TAF3: variants seen among roughly 807,000 people sequenced by gnomAD.
TAF3 encodes transcription initiation factor TFIID subunit 3.
In TAF3, 7 loss-of-function variants were observed where a neutral mutation model predicts 80.6. The observed-to-expected ratio is 0.09, with a 90% confidence interval of 0.05 to 0.16. The LOEUF (loss-of-function observed/expected upper bound fraction) is 0.16, where lower values mean the gene tolerates loss of function less well. Among genes scored for constraint, TAF3 ranks in the 10% least tolerant of loss-of-function variants. TAF3 has a pLI of 1.00. For synonymous variants in TAF3, 444 were observed against 446.1 expected, an observed-to-expected ratio of 1.00 and a Z score of 0.06; for missense variants, 921 against 1,140.2, an observed-to-expected ratio of 0.81 and a Z score of 2.77.
intron 4 of TAF3, among the ~76,000 whole-genome samples, chr10:8,001,230 T>C (rs1022228209): frequency 6.6e-6 from 1 of 152,216 alleles, no homozygotes; most frequent in Non-Finnish European, 1.5e-5. Flanking sequence ...TTTTCCATAA[T>C]CATTCCAAAT....
At chr10:8,013,376 A>G (rs956248956) in intron 5 of TAF3, among the ~76,000 whole-genome samples, 6 of 152,172 alleles carry the variant, frequency 3.9e-5, no homozygotes, top group African/African-American at 1.4e-4. Flanking sequence ...CACCCTTATA[A>G]AGACCCAAAT....
At chr10:7,826,318 A>T (rs1836740335) in intron 2 of TAF3, among the ~76,000 whole-genome samples, 1 of 152,208 alleles carries the variant, frequency 6.6e-6, no homozygotes, top group Non-Finnish European at 1.5e-5. Flanking sequence ...ATAGCATGCA[A>T]ATATTCCATA....
intron 4 of TAF3, among the ~76,000 whole-genome samples, chr10:8,008,324 C>CT (rs1302596910): frequency 6.6e-6 from 1 of 152,028 alleles, no homozygotes; most frequent in African/African-American, 2.4e-5. Context: ...GTCTTGAACT[C>CT]TCGACCTCAG....
chr10:7,897,152 C>T (rs7915234), intron 2 of TAF3, among the ~76,000 whole-genome samples: 53,373 of 151,996 alleles, frequency 0.35, 10,526 homozygotes, highest in Admixed American at 0.48. Flanking sequence ...AGATCAGGCC[C>T]GCTTGGCAAG....
intron 4 of TAF3, among the ~76,000 whole-genome samples, chr10:7,985,279 G>T (rs1831765003): frequency 6.6e-6 from 1 of 152,150 alleles, no homozygotes; most frequent in Non-Finnish European, 1.5e-5. Context: ...CCAGGCTCTA[G>T]GAAAGAGTAT....
At chr10:7,911,528 A>G (rs1274683875) in intron 2 of TAF3, among the ~76,000 whole-genome samples, 7 of 152,324 alleles carry the variant, frequency 4.6e-5, no homozygotes, top group South Asian at 2.1e-4. Flanking sequence ...CTCGTGTCGT[A>G]TTATTCTGCA....
At chr10:7,896,861 C>T (rs1159989020) in intron 2 of TAF3, among the ~76,000 whole-genome samples, 1 of 152,118 alleles carries the variant, frequency 6.6e-6, no homozygotes, top group Admixed American at 6.5e-5. Context: ...CAGATGTCAG[C>T]CCAGTCGAGC....
At chr10:7,969,998 G>A (rs1212197964) in intron 3 of TAF3, among the ~76,000 whole-genome samples, 2 of 152,162 alleles carry the variant, frequency 1.3e-5, no homozygotes, top group African/African-American at 2.4e-5. Context: ...ATACCTTCTC[G>A]AAGAATATTC....
chr10:7,856,987 G>T (rs1837087472), intron 2 of TAF3, among the ~76,000 whole-genome samples: 1 of 151,818 alleles, frequency 6.6e-6, no homozygotes, highest in South Asian at 2.1e-4. Flanking sequence ...ATTCCATGTA[G>T]CCAACTGATT....
intron 2 of TAF3, among the ~76,000 whole-genome samples, chr10:7,870,418 T>G (rs1382197853): frequency 1.3e-5 from 2 of 152,252 alleles, no homozygotes; most frequent in Non-Finnish European, 2.9e-5. Context: ...TACTTTTGTT[T>G]CTTTTCTTCC....
intron 6 of TAF3, among the ~76,000 whole-genome samples, chr10:8,014,226 A>C (rs1012704880): frequency 2.0e-5 from 3 of 152,234 alleles, no homozygotes; most frequent in East Asian, 3.8e-4. Context: ...AAGACTGCTT[A>C]TCTGTTTTTT....
intron 2 of TAF3, among the ~76,000 whole-genome samples, chr10:7,829,449 T>A (rs1327607450): frequency 6.6e-6 from 1 of 152,222 alleles, no homozygotes; most frequent in Non-Finnish European, 1.5e-5. Flanking sequence ...AGACTTTTCT[T>A]GGCTGTGACA....
intron 2 of TAF3, among the ~76,000 whole-genome samples, chr10:7,896,808 G>A (rs1588542975): frequency 6.6e-6 from 1 of 152,128 alleles, no homozygotes. Flanking sequence ...AATTCATTGT[G>A]GTTCATCTAG....
intron 2 of TAF3, among the ~76,000 whole-genome samples, chr10:7,837,349 A>AAAG (rs2131110667): frequency 6.6e-6 from 1 of 151,114 alleles, no homozygotes; most frequent in East Asian, 2.0e-4. Context: ...GGCAAAAAAA[A>AAAG]AAAAAAAAGT....
chr10:7,906,940 G>A (rs76425674), intron 2 of TAF3, among the ~76,000 whole-genome samples: 3 of 151,704 alleles, frequency 2.0e-5, no homozygotes, highest in Admixed American at 6.6e-5. Context: ...ACCTAACAGC[G>A]TGATTCTTAT....
chr10:7,913,968 A>T (rs1010604391), intron 2 of TAF3, among the ~76,000 whole-genome samples: 3 of 152,192 alleles, frequency 2.0e-5, no homozygotes, highest in African/African-American at 4.8e-5. Flanking sequence ...AATCAGTGGC[A>T]TGAAAAAAAG....
In TAF3 at chr10:8,016,033, A is replaced by T. The variant is rs949058924; in HGVS notation, c.*1282A>T. 1 of 152,154 alleles carries T rather than the reference A, an allele frequency of 6.6e-6. No individual in the cohort carries two copies. The highest frequency in any genetic ancestry group is 1.5e-5 in the Non-Finnish European group (1 of 68,024). 9.4% of individuals were successfully genotyped at this position (152,154 alleles called of 1,614,324 possible). A position where few individuals can be genotyped will look rare whatever the true frequency, so the allele number is the denominator to read the frequency against. ...TATCACAAAACTTTATTATATTATT[A>T]TACTGCCCACTATTTATTATATGTT... On this transcript the variant is annotated 3_prime_UTR_variant, in exon 7 of 7. Transcript: ENST00000344293.
At chr10:7,905,202 T>C (rs79547153) in intron 2 of TAF3, among the ~76,000 whole-genome samples, 2,626 of 152,270 alleles carry the variant, frequency 0.017, 79 homozygotes, top group African/African-American at 0.06. Flanking sequence ...CGTTAGAGTT[T>C]GAGACCCCAG....
intron 2 of TAF3, among the ~76,000 whole-genome samples, chr10:7,887,911 C>T (rs1341327575): frequency 6.6e-6 from 1 of 152,074 alleles, no homozygotes; most frequent in African/African-American, 2.4e-5. Context: ...CAGCTCCAAT[C>T]CACAGACCAG....
Sources: allele counts gnomAD v4.1 joint callset (sites outside exome capture counted in the v4.1 genomes callset), GRCh38; gene constraint gnomAD v4.1.1; transcripts MANE v1.5; gene names NCBI Gene and HGNC (gene_info 2026-07-23, HGNC 2026-07-21).